BNIP3L: variants seen among roughly 807,000 people sequenced by gnomAD.
The protein encoded by BNIP3L is BCL2/adenovirus E1B 19 kDa protein-interacting protein 3-like.
In BNIP3L, 10 loss-of-function variants were observed where a neutral mutation model predicts 25.5. The ratio of observed to expected loss-of-function variants is 0.39; its 90% confidence interval spans 0.24 to 0.67. The LOEUF (loss-of-function observed/expected upper bound fraction) is 0.67, where lower values mean the gene tolerates loss of function less well. Among genes scored for constraint, BNIP3L ranks in the 30% least tolerant of loss-of-function variants. The probability of loss-of-function intolerance (pLI) is 0.45; values close to 1 mark genes in which losing one functional copy is unlikely to be tolerated. For missense variants in BNIP3L, 215 were observed against 270.9 expected, an observed-to-expected ratio of 0.79 and a Z score of 1.45; for synonymous variants, 113 against 101.2, an observed-to-expected ratio of 1.12 and a Z score of -0.70.
intron 2 of BNIP3L, among the ~76,000 whole-genome samples, chr8:26,393,554 C>G (rs1404093761): frequency 3.3e-5 from 5 of 151,720 alleles, no homozygotes; most frequent in Non-Finnish European, 5.9e-5. Flanking sequence ...TAATGCATTC[C>G]AAATTGTTAG....
chr8:26,391,337 C>T lies in BNIP3L; in HGVS notation c.195C>T (p.Ser65=). 6.2e-7 allele frequency: 1 copy of T among 1,611,572 alleles called. No individual in the cohort carries two copies. Among genetic ancestry groups the T allele is most frequent in the Non-Finnish European group, 8.5e-7 (1 of 1,179,048 alleles). Residue 65 remains serine (S), a synonymous_variant, in exon 2 of 6, where the codon TCC becomes TCT. Coordinates refer to ENST00000380629, the MANE Select transcript of BNIP3L (RefSeq NM_004331.3). ...GGLEHVPSSS[S]IHNGDMEKIL... ...TGGAACACGTACCATCCTCATCCTC[C>T]ATCCACAATGGAGACATGGAGAAGA...
chr8:26,401,445 T>C (rs1414246738), intron 3 of BNIP3L, among the ~76,000 whole-genome samples: 40 of 151,522 alleles, frequency 2.6e-4, no homozygotes, highest in Non-Finnish European at 1.8e-4. Context: ...AAGGATAGCA[T>C]TGGGAGATAT....
intron 2 of BNIP3L, among the ~76,000 whole-genome samples, chr8:26,392,243 A>G (rs965689316): frequency 6.7e-6 from 1 of 148,826 alleles, no homozygotes; most frequent in Non-Finnish European, 1.5e-5. Context: ...AGTGACAGCT[A>G]CACTGTTAGC....
rs185134913 is a variant in BNIP3L at position 26,410,758 on chromosome 8, A to G, written c.*346A>G. On this transcript the variant is annotated 3_prime_UTR_variant, in exon 6 of 6. Coordinates refer to ENST00000380629, the MANE Select transcript of BNIP3L (RefSeq NM_004331.3). ...AGTGCCACCAGACTAGACCTGTATC[A>G]TTCATGGTATAAATTTTACTCTTGC... 70 of 209,208 alleles carry G rather than the reference A, an allele frequency of 3.3e-4. 1 individual carries two copies. Among genetic ancestry groups the G allele is most frequent in the African/African-American group, 1.6e-3 (69 of 43,638 alleles). The allele number at this position is 209,208 out of a possible 1,614,324, so 13.0% of individuals were successfully genotyped here. A position where few individuals can be genotyped will look rare whatever the true frequency, so the allele number is the denominator to read the frequency against.
intron 3 of BNIP3L, among the ~76,000 whole-genome samples, chr8:26,403,603 T>C (rs994200434): frequency 6.6e-6 from 1 of 152,000 alleles, no homozygotes; most frequent in East Asian, 1.9e-4. Context: ...AGTGGTGCAG[T>C]TGTAGCTCAC....
chr8:26,410,439 G>A lies in BNIP3L; in HGVS notation c.*27G>A, dbSNP rs780419539. 24 of 1,613,386 alleles carry A rather than the reference G, an allele frequency of 1.5e-5. No homozygotes were observed. Among genetic ancestry groups the A allele is most frequent in the Middle Eastern group, 1.6e-4 (1 of 6,082 alleles). On this transcript the variant is annotated 3_prime_UTR_variant, in exon 6 of 6. Transcript: ENST00000380629. ...GGAAAGGAAAAGCCCCTGGAAATGC[G>A]TGTGACCTGTGAAGTGGTGTATTGT...
At chr8:26,402,719 A>G (rs373311797) in intron 3 of BNIP3L, among the ~76,000 whole-genome samples, 1 of 152,092 alleles carries the variant, frequency 6.6e-6, no homozygotes, top group East Asian at 1.9e-4. Flanking sequence ...GAGCCCCACA[A>G]GTTTTTGAGT....
chr8:26,401,084 A>G (rs899109328), intron 3 of BNIP3L, among the ~76,000 whole-genome samples: 73 of 139,614 alleles, frequency 5.2e-4, no homozygotes, highest in Non-Finnish European at 9.7e-4. Flanking sequence ...CCAAATGACT[A>G]TAAATCATGC....
intron 2 of BNIP3L, among the ~76,000 whole-genome samples, chr8:26,393,338 C>A (rs1265862589): frequency 3.4e-5 from 5 of 147,654 alleles, no homozygotes; most frequent in African/African-American, 1.0e-4. Context: ...AGCTGGGAAC[C>A]CCAGTGTGTT....
Position 26,408,229 on chromosome 8 carries a change from A to G in BNIP3L, c.464A>G (p.Glu155Gly), listed in dbSNP as rs1806542806. 3 of 1,613,294 alleles carry G rather than the reference A, an allele frequency of 1.9e-6. No homozygotes were observed. Among genetic ancestry groups the G allele is most frequent in the African/African-American group, 1.3e-5 (1 of 75,012 alleles). Residue 155 changes from glutamate to glycine, a missense_variant and splice_region_variant, in exon 5 of 6, where the codon GAG becomes GGG. Around this residue, in one of 4 missense-constraint regions of BNIP3L, gnomAD observed 63 missense variants for 98.8 expected, o/e 0.64. Transcript: ENST00000380629. ...CTGCCTCTGAATTTCTTTCTCAGGG[A>G]GTTCCACTTCAGACACCCTAAACGT... is the stretch of plus-strand genomic sequence containing the variant. The part of the protein sequence containing the change: ...SSRPENIPPK[E>G]FHFRHPKRSV...
chr8:26,403,056 T>G (rs1806425255), intron 3 of BNIP3L, among the ~76,000 whole-genome samples: 1 of 152,206 alleles, frequency 6.6e-6, no homozygotes, highest in Non-Finnish European at 1.5e-5. Flanking sequence ...TTTGGTAGGT[T>G]TGCCAGTGTT....
chr8:26,408,498 G>T (rs1806548730), intron 5 of BNIP3L, 122 bp downstream of exon 5: 2 of 1,203,958 alleles, frequency 1.7e-6, no homozygotes, highest in South Asian at 1.6e-5. Flanking sequence ...TGCAAATAAG[G>T]TGAACTTAAA....
chr8:26,401,508 T>C (rs1245110241), intron 3 of BNIP3L, among the ~76,000 whole-genome samples: 1 of 145,812 alleles, frequency 6.9e-6, no homozygotes, highest in African/African-American at 2.6e-5. Flanking sequence ...ATGGCACATG[T>C]ATACATATGT....
chr8:26,390,465 C>T, intron 1 of BNIP3L: 4 of 985,200 alleles, frequency 4.1e-6, no homozygotes, highest in Non-Finnish European at 3.6e-6. Context: ...TTAATGAAAA[C>T]CCTAGAAAGT....
intron 1 of BNIP3L, chr8:26,383,500 CG>C (rs1172179278): frequency 1.1e-5 from 10 of 903,580 alleles, no homozygotes; most frequent in Admixed American, 1.2e-4. Flanking sequence ...CCCCCTGGTG[CG>C]GGGGGTGGTC....
At chr8:26,386,498 A>C (rs1010518482) in intron 1 of BNIP3L, among the ~76,000 whole-genome samples, 1 of 152,028 alleles carries the variant, frequency 6.6e-6, no homozygotes, top group African/African-American at 2.4e-5. Flanking sequence ...GCAGTGGTAC[A>C]GTCATAGCTC....
chr8:26,403,653 C>T (rs1214820914), intron 3 of BNIP3L, among the ~76,000 whole-genome samples: 2 of 151,854 alleles, frequency 1.3e-5, no homozygotes, highest in Non-Finnish European at 2.9e-5. Flanking sequence ...CTTTCTGCCT[C>T]AGTCTCCCTA....
rs963396815 is a variant in BNIP3L, at chr8:26,411,621, G to T, written c.*1209G>T. On this transcript the variant is annotated 3_prime_UTR_variant, in exon 6 of 6. Coordinates refer to ENST00000380629, the MANE Select transcript of BNIP3L (RefSeq NM_004331.3). Reference sequence around the variant, plus strand: ...TCATGTAGCTGTCTTTTCAGTTATGGTAAACTCTTAAAGTTCAGAACACTC... The same window carrying T: ...TCATGTAGCTGTCTTTTCAGTTATGTTAAACTCTTAAAGTTCAGAACACTC... 5 of 152,532 alleles carry T rather than the reference G, an allele frequency of 3.3e-5. No individual in the cohort carries two copies. Among genetic ancestry groups the T allele is most frequent in the African/African-American group, 9.7e-5 (4 of 41,426 alleles). 9.4% of individuals were successfully genotyped at this position (152,532 alleles called of 1,614,324 possible).
At chr8:26,385,453 A>G (rs1805971958) in intron 1 of BNIP3L, among the ~76,000 whole-genome samples, 1 of 151,906 alleles carries the variant, frequency 6.6e-6, no homozygotes, top group Non-Finnish European at 1.5e-5. Context: ...AAATACAAAA[A>G]TTAGCCTGGC....
Sources: gnomAD v4.1 joint callset for allele counts (sites outside exome capture counted in the v4.1 genomes callset) on GRCh38, gnomAD v4.1.1 for gene constraint, gnomAD v4.1.1 regional missense constraint, MANE v1.5 for transcripts, NCBI Gene and HGNC (gene_info 2026-07-23, HGNC 2026-07-21) for gene names.